PRKCB: variants seen among roughly 807,000 people sequenced by gnomAD.
PRKCB encodes the protein protein kinase C beta.
A neutral mutation model predicts 81.5 loss-of-function variants in PRKCB; 13 were observed. That is an observed-to-expected ratio of 0.16 (90% confidence interval 0.10 to 0.25). PRKCB has a LOEUF of 0.25. Ranked by LOEUF, PRKCB falls within the 10% of genes least tolerant of loss-of-function variation. PRKCB has a pLI of 1.00. For missense variants in PRKCB, 509 were observed against 875.7 expected, an observed-to-expected ratio of 0.58 and a Z score of 5.29; for synonymous variants, 335 against 321.4, an observed-to-expected ratio of 1.04 and a Z score of -0.45.
chr16:24,162,784 A>G lies in PRKCB; in HGVS notation c.1239+7927A>G, dbSNP rs57584369. Reference sequence around the variant, plus strand: ...AGGATTGTTGATGAGAAATTAGTTAATGCGTGCAATGTACCTTATTCAGGT... The same window carrying G: ...AGGATTGTTGATGAGAAATTAGTTAGTGCGTGCAATGTACCTTATTCAGGT... On this transcript the variant is annotated intron_variant, in intron 10 of 16. Coordinates refer to ENST00000643927, the MANE Select transcript of PRKCB (RefSeq NM_002738.7). 7.1e-3 allele frequency among the ~76,000 whole-genome samples: 1,084 copies of G among 152,196 alleles called. 10 individuals carry two copies. The highest frequency in any genetic ancestry group is 0.024 in the African/African-American group (1,013 of 41,530).
intron 2 of PRKCB, among the ~76,000 whole-genome samples, chr16:23,979,296 TCCTTCCATCCTGG>T: frequency 6.6e-6 from 1 of 152,324 alleles, no homozygotes; most frequent in Middle Eastern, 3.4e-3. Flanking sequence ...GTACCATGAA[TCCTTCCATCCTGG>T]AAGGAAATAA....
At position 24,108,828 on chromosome 16, in the gene PRKCB, C is replaced by T. The variant is rs1596551286; in HGVS notation, c.822-4145C>T. ...TTCCTGCCTTTCTATTCCACAAAGC[C>T]GCCATTGTCATCCTGGCCCGTTCTC... On this transcript the variant is annotated intron_variant, in intron 7 of 16. Coordinates refer to ENST00000643927, the MANE Select transcript of PRKCB (RefSeq NM_002738.7). Among the ~76,000 whole-genome samples the T allele has an allele frequency of 3.9e-5, 6 of 152,162 alleles. No individual in the cohort carries two copies. In the South Asian group the frequency reaches 6.2e-4, roughly 16 times the overall value.
intron 2 of PRKCB, among the ~76,000 whole-genome samples, chr16:23,982,113 TTTCCCTTCCCCTTCCC>T (rs1964736828): frequency 3.0e-5 from 1 of 33,456 alleles, no homozygotes; most frequent in African/African-American, 1.4e-4. Context: ...TTCCCTTCCC[TTTCCCTTCCCCTTCCC>T]TTCCCTTTCC....
intron 2 of PRKCB, among the ~76,000 whole-genome samples, chr16:23,954,274 C>G (rs573490524): frequency 9.2e-5 from 14 of 152,246 alleles, no homozygotes; most frequent in African/African-American, 3.1e-4. Context: ...CTTAGACTGA[C>G]TTAGTGGTGT....
At chr16:23,954,323 G>A (rs956806764) in intron 2 of PRKCB, among the ~76,000 whole-genome samples, 4 of 152,022 alleles carry the variant, frequency 2.6e-5, no homozygotes, top group Admixed American at 6.6e-5. Flanking sequence ...GGTCTCCTTG[G>A]CTAATCTTTG....
intron 5 of PRKCB, among the ~76,000 whole-genome samples, chr16:24,059,080 G>A (rs16973180): frequency 0.26 from 39,125 of 152,058 alleles, 5,334 homozygotes; most frequent in African/African-American, 0.33. Context: ...TTACCAGAAG[G>A]GAAAGGTAAT....
At chr16:23,939,133 A>G (rs1964104936) in intron 2 of PRKCB, among the ~76,000 whole-genome samples, 1 of 152,238 alleles carries the variant, frequency 6.6e-6, no homozygotes, top group African/African-American at 2.4e-5. Flanking sequence ...TACTATTGAC[A>G]ATTGATTGCT....
At chr16:24,176,994 A>G (rs998999843) in intron 12 of PRKCB, among the ~76,000 whole-genome samples, 1 of 152,102 alleles carries the variant, frequency 6.6e-6, no homozygotes, top group Non-Finnish European at 1.5e-5. Context: ...GACAGGCATC[A>G]TGGGTGATTT....
chr16:23,876,618 T>G (rs1348499161), intron 2 of PRKCB, among the ~76,000 whole-genome samples: 1 of 152,208 alleles, frequency 6.6e-6, no homozygotes, highest in Non-Finnish European at 1.5e-5. Flanking sequence ...CTCTCTGCGT[T>G]TCTCTTTCTC....
intron 2 of PRKCB, among the ~76,000 whole-genome samples, chr16:23,917,023 A>C (rs1963751105): frequency 6.6e-6 from 1 of 151,900 alleles, no homozygotes; most frequent in Non-Finnish European, 1.5e-5. Context: ...TGATAGGGTC[A>C]CCTGGGCCTC....
intron 4 of PRKCB, 95 bp downstream of exon 4, chr16:24,032,342 T>TC (rs1190506654): frequency 3.9e-6 from 3 of 770,118 alleles, no homozygotes; most frequent in African/African-American, 3.5e-5. Flanking sequence ...TGCCATACAT[T>TC]CCCCCCTGTC....
At chr16:24,093,515 T>A (rs1480102782) in intron 6 of PRKCB, among the ~76,000 whole-genome samples, 1 of 152,246 alleles carries the variant, frequency 6.6e-6, no homozygotes, top group Non-Finnish European at 1.5e-5. Context: ...TCCGACTTCA[T>A]CGGCTCATTT....
At chr16:23,965,845 C>T (rs1327692905) in intron 2 of PRKCB, among the ~76,000 whole-genome samples, 1 of 152,226 alleles carries the variant, frequency 6.6e-6, no homozygotes, top group Non-Finnish European at 1.5e-5. Flanking sequence ...GCTTCAGCTG[C>T]TTTGTGGCAC....
intron 5 of PRKCB, among the ~76,000 whole-genome samples, chr16:24,078,685 T>C (rs1966211243): frequency 6.6e-6 from 1 of 152,168 alleles, no homozygotes; most frequent in Non-Finnish European, 1.5e-5. Context: ...TGGGGAATGC[T>C]AGTTATTAAG....
intron 10 of PRKCB, among the ~76,000 whole-genome samples, chr16:24,165,163 C>T (rs1485218000): frequency 1.3e-5 from 2 of 152,188 alleles, no homozygotes; most frequent in African/African-American, 2.4e-5. Context: ...ACCTGAGCCT[C>T]CTGAGTAGCT....
At chr16:24,028,625 G>A (rs1016612045) in intron 3 of PRKCB, among the ~76,000 whole-genome samples, 3 of 152,186 alleles carry the variant, frequency 2.0e-5, no homozygotes, top group African/African-American at 7.2e-5. Context: ...TCCTTTCGAG[G>A]TTCATGAATG....
Position 24,216,757 on chromosome 16 carries a change from A to G in PRKCB, c.*1941A>G, listed in dbSNP as rs1968233695. ...GAAGTTCTATCTGACAAGTTTAGGC[A>G]GTAAGAGAAGGAGGGAAATCGGAGC... On this transcript the variant is annotated 3_prime_UTR_variant, in exon 17 of 17. Transcript: ENST00000643927. 1.0e-6 allele frequency: 1 copy of G among 985,496 alleles called. No individual in the cohort carries two copies. The highest frequency in any genetic ancestry group is 1.7e-5 in the African/African-American group (1 of 57,380). 61.0% of individuals were successfully genotyped at this position (985,496 alleles called of 1,614,324 possible). A position where few individuals can be genotyped will look rare whatever the true frequency, so the allele number is the denominator to read the frequency against.
In PRKCB at chr16:24,217,144, G is replaced by A; in HGVS notation, c.*2328G>A. 3 of 977,090 alleles carry A rather than the reference G, an allele frequency of 3.1e-6. No homozygotes were observed. The highest frequency in any genetic ancestry group is 3.6e-6 in the Non-Finnish European group (3 of 824,130). The allele number at this position is 977,090 out of a possible 1,614,324, so 60.5% of individuals were successfully genotyped here. The stretch of plus-strand genomic sequence containing the variant: ...AAGGAAAGAAAGAAAGAGAAAGGAA[G>A]GAAGGAAAGAAGGAAGGAAAAGAAG... On this transcript the variant is annotated 3_prime_UTR_variant, in exon 17 of 17. Coordinates refer to ENST00000643927, the MANE Select transcript of PRKCB (RefSeq NM_002738.7).
chr16:23,932,260 T>A (rs945738804), intron 2 of PRKCB, among the ~76,000 whole-genome samples: 38 of 152,138 alleles, frequency 2.5e-4, no homozygotes, highest in African/African-American at 9.2e-4. Context: ...AAGGAAACAT[T>A]AACTGAAATA....
Sources: gnomAD v4.1 joint callset for allele counts (sites outside exome capture counted in the v4.1 genomes callset) on GRCh38, gnomAD v4.1.1 for gene constraint, MANE v1.5 for transcripts, NCBI Gene and HGNC (gene_info 2026-07-23, HGNC 2026-07-21) for gene names.